TRIOBP: variants seen among roughly 807,000 people sequenced by gnomAD.
The protein encoded by TRIOBP is TRIO and F-actin binding protein, also known as TRIO and F-actin-binding protein.
TRIOBP carries 169 observed loss-of-function variants against 238.8 expected under a neutral mutation model. The ratio of observed to expected loss-of-function variants is 0.71; its 90% CI spans 0.62 to 0.80. TRIOBP has a LOEUF of 0.80. Ranked by LOEUF, TRIOBP falls within the 30% of genes least tolerant of loss-of-function variation. TRIOBP has a pLI of 0.00. For synonymous variants in TRIOBP, 1,150 were observed against 1,274.4 expected (o/e 0.90, Z 2.08); for missense variants, 2,838 against 3,122.6 (o/e 0.91, Z 2.17).
intron 12 of TRIOBP, among the ~76,000 whole-genome samples, chr22:37,752,135 C>T (rs185567136): frequency 5.3e-5 from 8 of 151,974 alleles, no homozygotes; most frequent in Non-Finnish European, 1.0e-4. Context: ...TGGAAGGGCT[C>T]GTAGAAGCTG....
chr22:37,720,198 G>A (rs866309512), intron 6 of TRIOBP, among the ~76,000 whole-genome samples: 2 of 151,568 alleles, frequency 1.3e-5, no homozygotes, highest in South Asian at 2.1e-4. Context: ...TAGTAGAGAC[G>A]GGGTTTCTCC....
At chr22:37,702,122 C>CAA (rs112697623) in intron 3 of TRIOBP, among the ~76,000 whole-genome samples, 1 of 151,872 alleles carries the variant, frequency 6.6e-6, no homozygotes, top group African/African-American at 2.4e-5. Flanking sequence ...CAAAACAAAA[C>CAA]AAAAAAGAGA....
Position 37,771,634 on chromosome 22 carries a change from G to C in TRIOBP, c.6850-16G>C, listed in dbSNP as rs1475904918. ...TGGCTTCTGGCCCTGGGTCAGTCCA[G>C]CACCTATATCCCCAGGTGCTGCTTC... On this transcript the variant is annotated splice_polypyrimidine_tract_variant and intron_variant, in intron 21 of 23. Transcript: ENST00000644935. 4.3e-6 allele frequency: 7 copies of C among 1,612,984 alleles called. No homozygotes were observed. Among genetic ancestry groups the C allele is most frequent in the African/African-American group, 1.3e-5 (1 of 74,892 alleles).
intron 11 of TRIOBP, among the ~76,000 whole-genome samples, chr22:37,743,023 GC>G (rs1569049944): frequency 1.3e-5 from 2 of 152,106 alleles, no homozygotes; most frequent in Non-Finnish European, 2.9e-5. Context: ...CTTCCAACAC[GC>G]CCCCTACACC....
At chr22:37,737,660 CAA>C (rs35569585) in intron 9 of TRIOBP, among the ~76,000 whole-genome samples, 20 of 92,914 alleles carry the variant, frequency 2.2e-4, no homozygotes, top group Admixed American at 2.4e-4. Flanking sequence ...GACTCCATCT[CAA>C]AAAAAAAAAA....
intron 10 of TRIOBP, among the ~76,000 whole-genome samples, chr22:37,739,476 G>T (rs1924836400): frequency 2.6e-5 from 4 of 152,144 alleles, no homozygotes; most frequent in Admixed American, 2.6e-4. Context: ...AAAGCTGGGG[G>T]AATTCTGCCC....
In TRIOBP at chr22:37,733,319, C is replaced by T. The variant is rs778910041; in HGVS notation, c.3969C>T (p.Ala1323=). Residue 1323 remains alanine, a synonymous_variant, in exon 8 of 24, where the codon GCC becomes GCT. Coordinates refer to ENST00000644935, the MANE Select transcript of TRIOBP (RefSeq NM_001039141.3). The part of the protein sequence containing the change: ...QERRKSEAAG[A]FQAQDEGRSQ... ...ATAGGAAGTCCGAGGCAGCGGGGGC[C>T]TTCCAGGCCCAGGACGAGGGACGGT... is the stretch of plus-strand genomic sequence containing the variant. The T allele has an allele frequency of 6.4e-7, 1 of 1,551,072 alleles. No individual in the cohort carries two copies. The highest frequency in any genetic ancestry group is 8.7e-7 in the Non-Finnish European group (1 of 1,147,202).
At chr22:37,704,181 G>A (rs1922804240) in intron 3 of TRIOBP, among the ~76,000 whole-genome samples, 1 of 152,152 alleles carries the variant, frequency 6.6e-6, no homozygotes, top group Non-Finnish European at 1.5e-5. Context: ...CTTGGAGTTT[G>A]AGACCATCCT....
At position 37,746,536 on chromosome 22, in the gene TRIOBP, G is replaced by A. The variant is rs560534679; in HGVS notation, c.5323-5236G>A. The A allele has an allele frequency of 1.6e-5, 16 of 970,728 alleles. 1 individual carries two copies. In the Admixed American group the frequency reaches 6.0e-4, roughly 36 times the overall value. 60.1% of individuals were successfully genotyped at this position (970,728 alleles called of 1,614,324 possible). ...CCTCCTCATTTCCCGAAGGCGAGAG[G>A]AGGGCTGGGCCGGAAGACGGGGCCA... On this transcript the variant is annotated intron_variant, in intron 11 of 23. Coordinates refer to ENST00000644935, the MANE Select transcript of TRIOBP (RefSeq NM_001039141.3).
intron 12 of TRIOBP, among the ~76,000 whole-genome samples, chr22:37,752,516 C>T (rs1027695702): frequency 6.6e-6 from 1 of 152,234 alleles, no homozygotes; most frequent in African/African-American, 2.4e-5. Context: ...GCAGGAGCGT[C>T]TCCCCACCCC....
rs560561620 is a variant in TRIOBP at position 37,745,993 on chromosome 22, C to CCCGCCCTCCGGCCGCCA, written c.5322+4971_5322+4987dup. 0.012 allele frequency among the ~76,000 whole-genome samples: 1,787 copies of CCCGCCCTCCGGCCGCCA among 149,358 alleles called. 16 individuals carry two copies. The highest frequency in any genetic ancestry group is 0.021 in the African/African-American group (858 of 40,690). ...CCAGCGCGCCCGCGGCCCGGGCCCG[C>CCCGCCCTCCGGCCGCCA]CCGCCCTCCGGCCGCCACCGCCCTC... On this transcript the variant is annotated intron_variant, in intron 11 of 23. Coordinates refer to ENST00000644935, the MANE Select transcript of TRIOBP (RefSeq NM_001039141.3).
intron 6 of TRIOBP, among the ~76,000 whole-genome samples, chr22:37,722,094 T>G (rs1923859378): frequency 6.6e-6 from 1 of 152,138 alleles, no homozygotes. Context: ...GATTCTGCAT[T>G]TCTGGCAAAC....
chr22:37,731,154 T>C (rs766996377), intron 7 of TRIOBP, among the ~76,000 whole-genome samples: 95 of 152,096 alleles, frequency 6.2e-4, no homozygotes, highest in Non-Finnish European at 1.1e-3. Flanking sequence ...TACTTTTTTT[T>C]TGAGACAGGA....
rs1477386685 is a variant in TRIOBP, at chr22:37,772,735, G to A, written c.7071G>A (p.Glu2357=). ...CCATGGCCGCCCTCCAGGAGAAGGA[G>A]TCGATGCGCAACAGCCTGGCTGAGT... is the stretch of plus-strand genomic sequence containing the variant. ...RLAMAALQEK[E]SMRNSLAE Residue 2357 remains glutamate (E), a synonymous_variant, in exon 23 of 24, where the codon GAG becomes GAA. Coordinates refer to ENST00000644935, the MANE Select transcript of TRIOBP (RefSeq NM_001039141.3). 1 of 1,613,838 alleles carries A rather than the reference G, an allele frequency of 6.2e-7. No individual in the cohort carries two copies. Among genetic ancestry groups the A allele is most frequent in the Non-Finnish European group, 8.5e-7 (1 of 1,180,036 alleles).
intron 15 of TRIOBP, among the ~76,000 whole-genome samples, chr22:37,756,067 G>A (rs571600735): frequency 6.6e-6 from 1 of 152,340 alleles, no homozygotes; most frequent in South Asian, 2.1e-4. Context: ...GGGCAGGAGG[G>A]CTGAGTTACC....
chr22:37,706,876 A>G (rs183805945), intron 3 of TRIOBP, among the ~76,000 whole-genome samples: 138 of 152,056 alleles, frequency 9.1e-4, no homozygotes, highest in Non-Finnish European at 1.6e-3. Context: ...CTCCTTTGGC[A>G]AATGCATGAG....
intron 3 of TRIOBP, 91 bp downstream of exon 3, chr22:37,701,570 C>T (rs1335814292): frequency 1.1e-6 from 1 of 914,092 alleles, no homozygotes; most frequent in African/African-American, 1.6e-5. Flanking sequence ...CGCAGTTGAA[C>T]CCAGATGCTG....
At position 37,723,570 on chromosome 22, in the gene TRIOBP, C is replaced by T. The variant is rs375509769; in HGVS notation, c.1014C>T (p.Asn338=). ...CCAGGGCCTCATCTACACAGTGGAA[C>T]ACCCCCAGAGCTTCCTCTCCCTCAC... is the stretch of plus-strand genomic sequence containing the variant. ...DTPRASSTQW[N]TPRASSPSRS... is the part of the protein sequence containing the mutation. Residue 338 remains asparagine, a synonymous_variant, in exon 7 of 24, where the codon AAC becomes AAT. Transcript: ENST00000644935. The T allele has an allele frequency of 1.9e-5, 31 of 1,613,898 alleles. No individual in the cohort carries two copies. Among genetic ancestry groups the T allele is most frequent in the Non-Finnish European group, 2.5e-5 (30 of 1,179,988 alleles).
At chr22:37,731,833 G>T (rs1052299810) in intron 7 of TRIOBP, among the ~76,000 whole-genome samples, 1 of 151,888 alleles carries the variant, frequency 6.6e-6, no homozygotes, top group Non-Finnish European at 1.5e-5. Flanking sequence ...CAAGCCATCC[G>T]CCTGCCTCAG....
Sources: gnomAD v4.1 joint callset for allele counts (sites outside exome capture counted in the v4.1 genomes callset) on GRCh38, gnomAD v4.1.1 for gene constraint, MANE v1.5 for transcripts, NCBI Gene and HGNC (gene_info 2026-07-23, HGNC 2026-07-21) for gene names.